Variants in USP6 observed in about 807,000 individuals in gnomAD.
USP6 encodes ubiquitin carboxyl-terminal hydrolase 6.
Under a neutral mutation model 175.7 loss-of-function variants are expected in USP6, and 128 were observed. The observed-to-expected ratio is 0.73, with a 90% confidence interval of 0.63 to 0.84. The LOEUF (loss-of-function observed/expected upper bound fraction) is 0.84. Among genes scored for constraint, USP6 ranks in the 40% least tolerant of loss-of-function variants. USP6 has a pLI of 0.00. For synonymous variants in USP6, 562 were observed against 630.6 expected (o/e 0.89, Z 1.63); for missense variants, 1,498 against 1,760.3 (o/e 0.85, Z 2.67).
chr17:5,138,310 T>C, intron 21 of USP6, 37 bp downstream of exon 21: 2 of 1,611,324 alleles, frequency 1.2e-6, no homozygotes, highest in Non-Finnish European at 1.7e-6. Flanking sequence ...CATGTCAGCC[T>C]CTGGGGCAGT....
At position 5,172,872 on chromosome 17, in the gene USP6, A is replaced by T; in HGVS notation, c.4115A>T (p.Asp1372Val). Reference protein sequence around the residue: ...YILFYEQQGIDYAQFLPKIDG... With the variant: ...YILFYEQQGIVYAQFLPKIDG... ...CTTTTCTATGAGCAGCAGGGGATAG[A>T]CTACGCACAATTTCTGCCAAAGATT... Residue 1372 changes from aspartate (D) to valine (V), a missense_variant, in exon 38 of 38, where the codon GAC becomes GTC. Coordinates refer to ENST00000574788, the MANE Select transcript of USP6 (RefSeq NM_001304284.2). 6.2e-7 allele frequency: 1 copy of T among 1,614,002 alleles called. No individual in the cohort carries two copies. Among genetic ancestry groups the T allele is most frequent in the African/African-American group, 1.3e-5 (1 of 75,048 alleles).
intron 4 of USP6, among the ~76,000 whole-genome samples, chr17:5,122,676 G>A (rs2072724532): frequency 6.6e-6 from 1 of 152,026 alleles, no homozygotes; most frequent in South Asian, 2.1e-4. Flanking sequence ...CGCCCTTCCC[G>A]GGAACAAAAG....
intron 22 of USP6, 67 bp from the exon 23 acceptor site, chr17:5,141,357 AC>A (rs1006457227): frequency 2.8e-6 from 4 of 1,434,890 alleles, no homozygotes; most frequent in African/African-American, 1.5e-5. Context: ...AAAAAAAAAA[AC>A]AGAAGCAATC....
At position 5,173,291 on chromosome 17, in the gene USP6, T is replaced by A; in HGVS notation, c.*313T>A. 1 of 273,696 alleles carries A rather than the reference T, an allele frequency of 3.7e-6. No individual in the cohort carries two copies. Among genetic ancestry groups the A allele is most frequent in the Non-Finnish European group, 6.9e-6 (1 of 144,438 alleles). The allele number at this position is 273,696 out of a possible 1,614,324, so 17.0% of individuals were successfully genotyped here. On this transcript the variant is annotated 3_prime_UTR_variant, in exon 38 of 38. Transcript: ENST00000574788. ...CAGATATGAACAAATATGTAGTGAG[T>A]ATAGAGTTTACCAATAATCATAACA...
chr17:5,145,647 T>G, intron 27 of USP6, 68 bp downstream of exon 27: 1 of 1,489,946 alleles, frequency 6.7e-7, no homozygotes, highest in Non-Finnish European at 8.9e-7. Flanking sequence ...AGCCTGAATT[T>G]GTAAGCATAG....
At chr17:5,160,639 T>G (rs2073986721) in intron 31 of USP6, among the ~76,000 whole-genome samples, 2 of 152,234 alleles carry the variant, frequency 1.3e-5, no homozygotes, top group Admixed American at 1.3e-4. Context: ...GTTGGACATT[T>G]GGCTTGGTTC....
In USP6 at chr17:5,162,913, G is replaced by C; in HGVS notation, c.2945G>C (p.Gly982Ala). 6.2e-7 allele frequency: 1 copy of C among 1,606,790 alleles called. No individual in the cohort carries two copies. Among genetic ancestry groups the C allele is most frequent in the Non-Finnish European group, 8.5e-7 (1 of 1,178,286 alleles). Residue 982 changes from glycine to alanine, a missense_variant, in exon 33 of 38, where the codon GGG (glycine) becomes GCG (alanine). Physicochemically the swap from Gly to Ala is moderately conservative, Grantham distance 60. This residue lies in a region of USP6 where 1,217 missense variants were observed against 1,500.8 expected (regional missense o/e 0.81). Coordinates refer to ENST00000574788, the MANE Select transcript of USP6 (RefSeq NM_001304284.2). ...TGCAGAGGCTGTAAAATTGATTGTG[G>C]GGAAGACAGAGCTTTCATTGGAAAT... ...RFCRGCKIDC[G>A]EDRAFIGNAY...
At chr17:5,163,270 GTTTACTTAGCTTACTACTA>G (rs1487940829) in intron 33 of USP6, among the ~76,000 whole-genome samples, 2 of 152,170 alleles carry the variant, frequency 1.3e-5, no homozygotes, top group Non-Finnish European at 1.5e-5. Context: ...AAGAAAAGAG[GTTTACTTAGCTTACTACTA>G]TTCGGCAGCC....
chr17:5,174,567 C>T lies in USP6; in HGVS notation c.*1589C>T. 5.2e-6 allele frequency: 1 copy of T among 193,434 alleles called. No individual in the cohort carries two copies. 12.0% of individuals were successfully genotyped at this position (193,434 alleles called of 1,614,324 possible). A position where few individuals can be genotyped will look rare whatever the true frequency, so the allele number is the denominator to read the frequency against. ...ATGTAATAAAGTCAGACAAAATGCA[C>T]ACTTTATAGTTTCAAGATTTTCAGT... On this transcript the variant is annotated 3_prime_UTR_variant, in exon 38 of 38. Transcript: ENST00000574788.
At chr17:5,137,250 C>T (rs558527990) in intron 19 of USP6, 64 bp downstream of exon 19, 4 of 1,583,968 alleles carry the variant, frequency 2.5e-6, no homozygotes, top group African/African-American at 1.3e-5. Context: ...CGTGCTTCCC[C>T]AGCCCGGGGG....
Position 5,147,095 on chromosome 17 carries a change from G to T in USP6, c.2332G>T (p.Asp778Tyr). The T allele has an allele frequency of 6.2e-7, 1 of 1,612,466 alleles. No individual in the cohort carries two copies. Among genetic ancestry groups the T allele is most frequent in the Non-Finnish European group, 8.5e-7 (1 of 1,179,396 alleles). ...HDSNIKNFPQ[D>Y]NQKVQLSVSG... ...GCTGTTTCTGTAGAACTTTCCTCAG[G>T]ATAACCAAAAAGTACAACTCTCAGT... The change falls in exon 29 of 38, where the codon GAT (aspartate) becomes TAT (tyrosine). Residue 778 changes from aspartate to tyrosine, a missense_variant. This residue lies in a region of USP6 where 1,217 missense variants were observed against 1,500.8 expected (regional missense o/e 0.81). Coordinates refer to ENST00000574788, the MANE Select transcript of USP6 (RefSeq NM_001304284.2).
At position 5,120,745 on chromosome 17, in the gene USP6, TGGA is replaced by T. The variant is rs1164858025; in HGVS notation, c.-1716_-1714del. On this transcript the variant is annotated 5_prime_UTR_variant, in exon 3 of 38. The change creates a premature stop within an existing upstream ORF in the 5' untranslated region. Coordinates refer to ENST00000574788, the MANE Select transcript of USP6 (RefSeq NM_001304284.2). ...ATGCATGACCAGGACAAGAAATTGG[TGGA>T]GAAGAGCTACAAGGATGCCAAGGGC... The T allele has an allele frequency of 4.6e-6, 2 of 439,408 alleles. No homozygotes were observed. Among genetic ancestry groups the T allele is most frequent in the African/African-American group, 4.0e-5 (2 of 49,770 alleles). The allele number at this position is 439,408 out of a possible 1,614,324, so 27.2% of individuals were successfully genotyped here. A position where few individuals can be genotyped will look rare whatever the true frequency, so the allele number is the denominator to read the frequency against.
chr17:5,161,505 C>G lies in USP6; in HGVS notation c.2829-23C>G, dbSNP rs752573350. ...TCGAACCAGAAATGCTTCTTACACT[C>G]TTTTTGTTCTCTTCTGTTTCAGTGA... is the stretch of plus-strand genomic sequence containing the variant. On this transcript the variant is annotated intron_variant, in intron 31 of 37. Transcript: ENST00000574788. The G allele has an allele frequency of 2.4e-5, 39 of 1,611,544 alleles. No individual in the cohort carries two copies. In the East Asian group the frequency reaches 8.3e-4, roughly 34 times the overall value.
At chr17:5,156,499 T>C (rs1172993767) in intron 31 of USP6, among the ~76,000 whole-genome samples, 1 of 151,850 alleles carries the variant, frequency 6.6e-6, no homozygotes, top group Non-Finnish European at 1.5e-5. Context: ...AGAGATGGGG[T>C]TTCTCCATGT....
At chr17:5,145,612 T>C in intron 27 of USP6, 33 bp downstream of exon 27, 1 of 1,537,912 alleles carries the variant, frequency 6.5e-7, no homozygotes. Context: ...ATTACTTGAT[T>C]CCATTAAATT....
Position 5,155,479 on chromosome 17 carries a change from A to G in USP6, c.2701A>G (p.Met901Val). 6.2e-7 allele frequency: 1 copy of G among 1,614,110 alleles called. No individual in the cohort carries two copies. The highest frequency in any genetic ancestry group is 8.5e-7 in the Non-Finnish European group (1 of 1,180,010). ...GGAGAATCGCCCCAGCCTCTTTGGA[A>G]TGCCATTGATTGTTCCATGCACTGT... Reference protein sequence around the residue: ...PQENRPSLFGMPLIVPCTVHT... With the variant: ...PQENRPSLFGVPLIVPCTVHT... Residue 901 changes from methionine to valine, a missense_variant, in exon 31 of 38, where the codon ATG becomes GTG. By Grantham distance (21) the Met-to-Val change is conservative. Coordinates refer to ENST00000574788, the MANE Select transcript of USP6 (RefSeq NM_001304284.2).
At chr17:5,123,687 A>T (rs1169744935) in intron 4 of USP6, among the ~76,000 whole-genome samples, 1 of 152,178 alleles carries the variant, frequency 6.6e-6, no homozygotes, top group Non-Finnish European at 1.5e-5. Flanking sequence ...AGGTGCCAGC[A>T]CATGCTGGGC....
At chr17:5,133,140 C>G (rs2073131742) in intron 13 of USP6, 150 bp downstream of exon 13, 2 of 1,005,170 alleles carry the variant, frequency 2.0e-6, no homozygotes, top group South Asian at 3.1e-5. Context: ...CACCAGATTG[C>G]CTGCCTATTC....
intron 9 of USP6, 87 bp downstream of exon 9, chr17:5,130,176 C>A (rs1597986331): frequency 1.7e-6 from 1 of 595,006 alleles, no homozygotes; most frequent in Non-Finnish European, 3.0e-6. Context: ...GATGCCCACC[C>A]CTGCTTGGGG....
Sources: allele counts gnomAD v4.1 joint callset (sites outside exome capture counted in the v4.1 genomes callset), GRCh38; gene constraint gnomAD v4.1.1; regional missense constraint gnomAD v4.1.1; transcripts MANE v1.5; gene names NCBI Gene and HGNC (gene_info 2026-07-23, HGNC 2026-07-21).